Variants in CALN1 observed in about 807,000 individuals in gnomAD.
CALN1 encodes calcium-binding protein 8.
In CALN1, 17 loss-of-function variants were observed where a neutral mutation model predicts 30.6. The observed-to-expected ratio is 0.56, with a 90% CI of 0.38 to 0.83. The LOEUF (loss-of-function observed/expected upper bound fraction) is 0.83, where lower values mean the gene tolerates loss of function less well. Among genes scored for constraint, CALN1 ranks in the 40% least tolerant of loss-of-function variants. The probability of loss-of-function intolerance (pLI) is 0.00; values close to 1 mark genes in which losing one functional copy is unlikely to be tolerated. For synonymous variants in CALN1, 156 were observed against 131.4 expected, an observed-to-expected ratio of 1.19 and a Z score of -1.28; for missense variants, 291 against 354.9, an observed-to-expected ratio of 0.82 and a Z score of 1.45.
chr7:71,962,230 A>G (rs1301890141), intron 5 of CALN1, among the ~76,000 whole-genome samples: 1 of 143,936 alleles, frequency 6.9e-6, no homozygotes, highest in African/African-American at 2.8e-5. Flanking sequence ...CCATCTCTAA[A>G]AAAAAAAAAA....
At chr7:72,389,961 G>C (rs895705197) in intron 2 of CALN1, among the ~76,000 whole-genome samples, 1 of 151,604 alleles carries the variant, frequency 6.6e-6, no homozygotes, top group Admixed American at 6.6e-5. Flanking sequence ...AGAAAAAAAA[G>C]GGGAGAATTA....
At chr7:72,131,978 C>T (rs1297132130) in intron 3 of CALN1, among the ~76,000 whole-genome samples, 3 of 152,150 alleles carry the variant, frequency 2.0e-5, no homozygotes, top group African/African-American at 7.2e-5. Flanking sequence ...AACCCTCAAT[C>T]CCATTTCCCA....
chr7:72,154,528 AAC>A (rs1787509672), intron 3 of CALN1, among the ~76,000 whole-genome samples: 1 of 152,196 alleles, frequency 6.6e-6, no homozygotes, highest in Non-Finnish European at 1.5e-5. Context: ...GTCTCTACAC[AAC>A]ACTCTTATTT....
At chr7:72,057,936 T>C (rs1364632889) in intron 4 of CALN1, among the ~76,000 whole-genome samples, 1 of 152,238 alleles carries the variant, frequency 6.6e-6, no homozygotes, top group Non-Finnish European at 1.5e-5. Flanking sequence ...AAGCGAATAC[T>C]GCAGCTGAAT....
At chr7:72,167,717 T>G (rs1788628146) in intron 3 of CALN1, among the ~76,000 whole-genome samples, 1 of 152,194 alleles carries the variant, frequency 6.6e-6, no homozygotes, top group African/African-American at 2.4e-5. Flanking sequence ...CTGAGATGGT[T>G]TTTCTTCCCT....
intron 2 of CALN1, among the ~76,000 whole-genome samples, chr7:72,322,136 T>C (rs1377294256): frequency 6.6e-6 from 1 of 152,152 alleles, no homozygotes; most frequent in Non-Finnish European, 1.5e-5. Flanking sequence ...GTGGGAGCCC[T>C]GAGCTTATTT....
intron 1 of CALN1, among the ~76,000 whole-genome samples, chr7:72,408,508 G>GT (rs758195946): frequency 1.3e-5 from 2 of 151,912 alleles, no homozygotes; most frequent in Non-Finnish European, 2.9e-5. Context: ...GTCAGAGAGC[G>GT]TAACTGGAAT....
chr7:71,812,624 T>C (rs1360233789), intron 5 of CALN1, among the ~76,000 whole-genome samples: 1 of 151,994 alleles, frequency 6.6e-6, no homozygotes, highest in African/African-American at 2.4e-5. Context: ...AAGCCAAAAA[T>C]AAAAACCACT....
chr7:71,892,581 T>C (rs1793304777), intron 5 of CALN1, among the ~76,000 whole-genome samples: 1 of 152,192 alleles, frequency 6.6e-6, no homozygotes, highest in South Asian at 2.1e-4. Flanking sequence ...GCCGAGATCA[T>C]GCTATTGCAA....
the CALN1 span, among the ~76,000 whole-genome samples, chr7:72,476,430 A>G: frequency 6.6e-6 from 1 of 152,312 alleles, no homozygotes; most frequent in Admixed American, 6.5e-5. Flanking sequence ...GAACAGATTA[A>G]TACAAGCATT....
At chr7:72,359,089 T>A (rs1803406831) in intron 2 of CALN1, among the ~76,000 whole-genome samples, 1 of 152,038 alleles carries the variant, frequency 6.6e-6, no homozygotes, top group Non-Finnish European at 1.5e-5. Flanking sequence ...GGCCAGGCCC[T>A]CCGCTGTGCT....
intron 2 of CALN1, among the ~76,000 whole-genome samples, chr7:72,387,477 A>AACAC (rs960466053): frequency 1.3e-5 from 2 of 152,124 alleles, no homozygotes; most frequent in Non-Finnish European, 2.9e-5. Context: ...AAACCTGACA[A>AACAC]ACACACACTC....
At chr7:72,028,173 T>C (rs917289293) in intron 4 of CALN1, among the ~76,000 whole-genome samples, 3 of 150,490 alleles carry the variant, frequency 2.0e-5, no homozygotes, top group Admixed American at 6.7e-5. Flanking sequence ...GGGAACCTCA[T>C]AGTTTACGAG....
At chr7:72,397,495 AAT>A (rs1806039024) in intron 2 of CALN1, among the ~76,000 whole-genome samples, 1 of 152,120 alleles carries the variant, frequency 6.6e-6, no homozygotes, top group South Asian at 2.1e-4. Flanking sequence ...CAGATATAAG[AAT>A]GAATAAGCTG....
intron 4 of CALN1, among the ~76,000 whole-genome samples, chr7:72,027,579 C>T (rs112321069): frequency 0.027 from 4,078 of 151,942 alleles, 181 homozygotes; most frequent in African/African-American, 0.091. Context: ...GGTGTGGTGG[C>T]GGGCACCTGT....
intron 3 of CALN1, among the ~76,000 whole-genome samples, chr7:72,115,405 G>T (rs1348718122): frequency 6.8e-6 from 1 of 146,690 alleles, no homozygotes; most frequent in Middle Eastern, 3.6e-3. Flanking sequence ...TTTTAATTAA[G>T]GTCAAAAATA....
At chr7:71,796,665 C>T (rs562335020) in intron 6 of CALN1, among the ~76,000 whole-genome samples, 27 of 152,192 alleles carry the variant, frequency 1.8e-4, no homozygotes, top group African/African-American at 5.8e-4. Context: ...GCTTATGTTT[C>T]GTTTTTTCAA....
At chr7:72,198,283 A>AT (rs1466092898) in intron 3 of CALN1, among the ~76,000 whole-genome samples, 73 of 152,344 alleles carry the variant, frequency 4.8e-4, no homozygotes, top group African/African-American at 1.5e-3. Context: ...ATGAATGGCC[A>AT]TAAAAAACTA....
intron 3 of CALN1, among the ~76,000 whole-genome samples, chr7:72,117,690 G>T (rs1306670657): frequency 6.6e-6 from 1 of 152,104 alleles, no homozygotes; most frequent in Non-Finnish European, 1.5e-5. Flanking sequence ...AGACACGGTG[G>T]CTCCCACCTG....
Sources: allele counts gnomAD v4.1 joint callset (sites outside exome capture counted in the v4.1 genomes callset), GRCh38; gene constraint gnomAD v4.1.1; transcripts MANE v1.5; gene names NCBI Gene and HGNC (gene_info 2026-07-23, HGNC 2026-07-21).